Variants in IPO7 observed in about 807,000 individuals in gnomAD.
IPO7 encodes importin-7.
Under a neutral mutation model 136.4 loss-of-function variants are expected in IPO7, and 13 were observed. That is an observed-to-expected ratio of 0.10 (90% CI 0.06 to 0.15). The LOEUF is 0.15. IPO7 is among the 10% of genes least tolerant of loss of function. The probability of loss-of-function intolerance (pLI) is 1.00; values close to 1 mark genes in which losing one functional copy is unlikely to be tolerated. For synonymous variants in IPO7, 403 were observed against 404.4 expected (o/e 1.00, Z 0.04); for missense variants, 857 against 1,240.6 (o/e 0.69, Z 4.65).
chr11:9,399,088 G>A (rs771375901), intron 1 of IPO7, among the ~76,000 whole-genome samples: 1 of 152,002 alleles, frequency 6.6e-6, no homozygotes, highest in Non-Finnish European at 1.5e-5. Flanking sequence ...GAATGATTGG[G>A]GGCACAAATA....
chr11:9,437,500 T>A (rs1227626325), intron 20 of IPO7, among the ~76,000 whole-genome samples: 2 of 151,646 alleles, frequency 1.3e-5, no homozygotes, highest in Non-Finnish European at 2.9e-5. Flanking sequence ...GTGATCCGCC[T>A]GCCTCAGCCT....
At position 9,402,076 on chromosome 11, in the gene IPO7, T is replaced by A. The variant is rs568497399; in HGVS notation, c.85-1214T>A. ...AACAGGTGTCACAGAGGGTATTGTT[T>A]TTGAGCTGCTGTCACCAGTGTAGGT... On this transcript the variant is annotated intron_variant, in intron 1 of 24. Transcript: ENST00000379719. Among the ~76,000 whole-genome samples, 42 of 152,230 alleles carry A rather than the reference T, an allele frequency of 2.8e-4. No individual in the cohort carries two copies. The South Asian group carries it at 7.3e-3, about 26-fold the overall frequency.
chr11:9,443,963 T>A (rs1344552324), intron 24 of IPO7, among the ~76,000 whole-genome samples: 4 of 150,998 alleles, frequency 2.6e-5, no homozygotes, highest in African/African-American at 4.9e-5. Flanking sequence ...TTTAAATGTT[T>A]CAGTGTGCAA....
At chr11:9,415,723 C>T (rs559857971) in intron 5 of IPO7, among the ~76,000 whole-genome samples, 12 of 151,082 alleles carry the variant, frequency 7.9e-5, no homozygotes, top group South Asian at 6.3e-4. Flanking sequence ...CTGTAGTCCC[C>T]GCTACTCAGG....
intron 9 of IPO7, among the ~76,000 whole-genome samples, chr11:9,423,390 T>C (rs906055649): frequency 2.0e-5 from 3 of 152,200 alleles, no homozygotes; most frequent in African/African-American, 7.2e-5. Context: ...GTTCTTAATA[T>C]TGGACTATGA....
At position 9,426,754 on chromosome 11, in the gene IPO7, G is replaced by GT. The variant is rs201561069; in HGVS notation, c.1335+1500dup. On this transcript the variant is annotated intron_variant, in intron 12 of 24. Coordinates refer to ENST00000379719, the MANE Select transcript of IPO7 (RefSeq NM_006391.3). ...TGCCCCAAAAAAATTGCTTGCCTTT[G>GT]TTTTTTTTCTTTTTATTTTTTGAGA... Among the ~76,000 whole-genome samples the GT allele has an allele frequency of 3.3e-3, 494 of 151,708 alleles. 2 individuals carry two copies. The highest frequency in any genetic ancestry group is 0.011 in the African/African-American group (472 of 41,362).
At chr11:9,413,088 C>T (rs1854990717) in intron 4 of IPO7, among the ~76,000 whole-genome samples, 1 of 152,062 alleles carries the variant, frequency 6.6e-6, no homozygotes, top group Non-Finnish European at 1.5e-5. Flanking sequence ...CCGTGTTAGC[C>T]AGGATGGTCT....
intron 1 of IPO7, among the ~76,000 whole-genome samples, chr11:9,399,313 C>T (rs930106603): frequency 6.6e-6 from 1 of 152,038 alleles, no homozygotes; most frequent in African/African-American, 2.4e-5. Context: ...CAGGCATGCA[C>T]CACCACCCCG....
chr11:9,434,808 A>C (rs1201477847), intron 18 of IPO7, 126 bp from the exon 19 acceptor site: 7 of 671,418 alleles, frequency 1.0e-5, no homozygotes, highest in East Asian at 2.9e-5. Context: ...CCCTCCCCCC[A>C]AAAAAAGGTG....
chr11:9,392,801 T>C (rs548914735), intron 1 of IPO7, among the ~76,000 whole-genome samples: 7 of 151,944 alleles, frequency 4.6e-5, no homozygotes, highest in African/African-American at 1.4e-4. Flanking sequence ...ATACAAAAAT[T>C]AGCCGGGCAT....
At chr11:9,442,630 G>A (rs1389143009) in intron 24 of IPO7, among the ~76,000 whole-genome samples, 2 of 152,038 alleles carry the variant, frequency 1.3e-5, no homozygotes, top group Non-Finnish European at 2.9e-5. Context: ...AGCCAGGATG[G>A]TATCAATCTC....
Position 9,433,735 on chromosome 11 carries a change from A to G in IPO7, c.1963A>G (p.Ile655Val), listed in dbSNP as rs776406700. The change falls in exon 18 of 25, where the codon ATC becomes GTC. Residue 655 changes from isoleucine (I) to valine (V), a missense_variant. Transcript: ENST00000379719. The stretch of plus-strand genomic sequence containing the variant: ...TTCTCTTTTAGAATTCTATGAGGAG[A>G]TCTTCTCTTTAGCGCACAGTTTGAC... ...QQHVLEFYEE[I>V]FSLAHSLTCQ... is the part of the protein sequence containing the mutation. The G allele has an allele frequency of 4.3e-6, 7 of 1,612,482 alleles. No individual in the cohort carries two copies. In the Admixed American group the frequency reaches 1.0e-4, roughly 23 times the overall value.
At position 9,395,598 on chromosome 11, in the gene IPO7, G is replaced by A. The variant is rs573473948; in HGVS notation, c.85-7692G>A. ...TTCATGTCTTAAGGATTTCAGGTGG[G>A]TAGAAATGTGTATGGGGCAGCTAGA... On this transcript the variant is annotated intron_variant, in intron 1 of 24. Transcript: ENST00000379719. Among the ~76,000 whole-genome samples, 25 of 152,250 alleles carry A rather than the reference G, an allele frequency of 1.6e-4. 2 individuals carry two copies. In the South Asian group the frequency reaches 5.0e-3, roughly 30 times the overall value.
chr11:9,437,965 G>A lies in IPO7; in HGVS notation c.2480G>A (p.Cys827Tyr). The change falls in exon 21 of 25, where the codon TGT (cysteine) becomes TAT (tyrosine). Residue 827 changes from cysteine (C) to tyrosine (Y), a missense_variant. By Grantham distance (194) the Cys-to-Tyr change is radical. This residue lies in a region of IPO7 where 190 missense variants were observed against 249.0 expected (regional missense o/e 0.76). Coordinates refer to ENST00000379719, the MANE Select transcript of IPO7 (RefSeq NM_006391.3). Reference sequence around the variant, plus strand: ...ACACAGTGGCTTAATGATGTTGACTGTTTCTTGGGGTAAGTGATGTATTGC... The same window carrying A: ...ACACAGTGGCTTAATGATGTTGACTATTTCTTGGGGTAAGTGATGTATTGC... Reference protein sequence around the residue: ...FITQWLNDVDCFLGLHDRKMC... With the variant: ...FITQWLNDVDYFLGLHDRKMC... 6.2e-7 allele frequency: 1 copy of A among 1,601,478 alleles called. No individual in the cohort carries two copies. Among genetic ancestry groups the A allele is most frequent in the Non-Finnish European group, 8.5e-7 (1 of 1,174,738 alleles).
intron 1 of IPO7, among the ~76,000 whole-genome samples, chr11:9,398,642 A>C (rs1387961240): frequency 6.6e-6 from 1 of 152,240 alleles, no homozygotes; most frequent in Non-Finnish European, 1.5e-5. Context: ...TATGGGATAC[A>C]GTGGTGTTTC....
intron 22 of IPO7, among the ~76,000 whole-genome samples, chr11:9,439,601 C>T (rs1282266963): frequency 6.6e-6 from 1 of 151,332 alleles, no homozygotes; most frequent in African/African-American, 2.4e-5. Context: ...GTTGTTGAGA[C>T]GGAATCTCGT....
At chr11:9,385,456 C>G (rs1308031724) in intron 1 of IPO7, among the ~76,000 whole-genome samples, 2 of 152,158 alleles carry the variant, frequency 1.3e-5, no homozygotes, top group Admixed American at 1.3e-4. Flanking sequence ...AGAGTCTGAT[C>G]CCTGCTTTTC....
intron 5 of IPO7, among the ~76,000 whole-genome samples, chr11:9,415,852 A>G (rs1367744365): frequency 6.6e-6 from 1 of 152,196 alleles, no homozygotes; most frequent in East Asian, 1.9e-4. Context: ...AAAAAGAAAA[A>G]AAGAAAAAAA....
intron 1 of IPO7, 33 bp from the exon 2 acceptor site, chr11:9,403,257 C>G: frequency 7.1e-7 from 1 of 1,412,432 alleles, no homozygotes; most frequent in Admixed American, 1.7e-5. Flanking sequence ...TATTTATTTG[C>G]AGAAGTTTAA....
Sources: gnomAD v4.1 joint callset for allele counts (sites outside exome capture counted in the v4.1 genomes callset) on GRCh38, gnomAD v4.1.1 for gene constraint, gnomAD v4.1.1 regional missense constraint, MANE v1.5 for transcripts, NCBI Gene and HGNC (gene_info 2026-07-23, HGNC 2026-07-21) for gene names.